MARK1: variants seen among roughly 807,000 people sequenced by gnomAD.
The protein encoded by MARK1 is serine/threonine-protein kinase MARK1.
A neutral mutation model predicts 96.3 loss-of-function variants in MARK1; 40 were observed. The ratio of observed to expected loss-of-function variants is 0.42; its 90% CI spans 0.32 to 0.54. The LOEUF (loss-of-function observed/expected upper bound fraction) is 0.54, where lower values mean the gene tolerates loss of function less well. Ranked by LOEUF, MARK1 falls within the 20% of genes least tolerant of loss-of-function variation. The pLI is 0.16. For synonymous variants in MARK1, 317 were observed against 341.2 expected, an observed-to-expected ratio of 0.93 and a Z score of 0.78; for missense variants, 719 against 984.6, an observed-to-expected ratio of 0.73 and a Z score of 3.61.
At chr1:220,577,565 C>T (rs923121583) in intron 1 of MARK1, among the ~76,000 whole-genome samples, 3 of 152,150 alleles carry the variant, frequency 2.0e-5, no homozygotes, top group Non-Finnish European at 4.4e-5. Context: ...CTGGACCCTA[C>T]CCCCAGAGTT....
chr1:220,599,373 A>G (rs1458366743), intron 4 of MARK1, among the ~76,000 whole-genome samples: 2 of 152,124 alleles, frequency 1.3e-5, no homozygotes, highest in Non-Finnish European at 2.9e-5. Context: ...TTTTCTAACC[A>G]GAAACTTTCA....
At chr1:220,658,483 A>G (rs1053594134) in intron 17 of MARK1, among the ~76,000 whole-genome samples, 5 of 152,200 alleles carry the variant, frequency 3.3e-5, no homozygotes, top group South Asian at 4.1e-4. Context: ...GGAGATGCTT[A>G]TGCTGCTGTT....
At chr1:220,580,986 C>A in intron 2 of MARK1, 79 bp from the exon 3 acceptor site, 2 of 528,962 alleles carry the variant, frequency 3.8e-6, no homozygotes. Flanking sequence ...AGGAATGAAA[C>A]AGAAATTGGA....
chr1:220,615,941 T>C lies in MARK1; in HGVS notation c.498T>C (p.Ile166=). ...TTTTATCCAAATGTTTATTCCAGAT[T>C]GTATCTGCTGTACAGTATTGTCATC... is the stretch of plus-strand genomic sequence containing the variant. ...EKEARAKFRQ[I]VSAVQYCHQK... is the part of the protein sequence containing the mutation. Residue 166 remains isoleucine (I), a splice_region_variant and synonymous_variant, in exon 7 of 18, where the codon ATT becomes ATC. Transcript: ENST00000366917. 6.5e-7 allele frequency: 1 copy of C among 1,528,754 alleles called. No individual in the cohort carries two copies. The highest frequency in any genetic ancestry group is 9.0e-7 in the Non-Finnish European group (1 of 1,116,220). The allele number at this position is 1,528,754 out of a possible 1,614,324, so 94.7% of individuals were successfully genotyped here.
chr1:220,619,335 G>T (rs1401222736), intron 9 of MARK1, among the ~76,000 whole-genome samples: 1 of 152,122 alleles, frequency 6.6e-6, no homozygotes, highest in Non-Finnish European at 1.5e-5. Flanking sequence ...TTAGCTGGAC[G>T]AGGTGGCACA....
At chr1:220,625,982 A>T in intron 9 of MARK1, 1 of 551,786 alleles carries the variant, frequency 1.8e-6, no homozygotes, top group Non-Finnish European at 3.6e-6. Context: ...ATCTCTTCAG[A>T]TACATGTTCG....
At chr1:220,633,681 G>T (rs543686802) in intron 11 of MARK1, among the ~76,000 whole-genome samples, 2 of 152,314 alleles carry the variant, frequency 1.3e-5, no homozygotes, top group African/African-American at 2.4e-5. Context: ...AGGCAGGTCT[G>T]TGTGACATGT....
At chr1:220,656,461 C>T (rs899471981) in intron 16 of MARK1, among the ~76,000 whole-genome samples, 2 of 152,126 alleles carry the variant, frequency 1.3e-5, no homozygotes, top group African/African-American at 4.8e-5. Context: ...CAGAAAAGTC[C>T]AGTGAGATTT....
In MARK1 at chr1:220,581,070, T is replaced by G; in HGVS notation, c.261T>G (p.Ala87=). Residue 87 remains alanine (A), a synonymous_variant, in exon 3 of 18, where the codon GCT becomes GCG. Transcript: ENST00000366917. ...TAATGATTCTTCTTTTTTAGGTTGC[T>G]GTGAAAATAATAGACAAAACTCAGC... ...ARHVLTGREV[A]VKIIDKTQLN... is the part of the protein sequence containing the mutation. 7.8e-7 allele frequency: 1 copy of G among 1,279,862 alleles called. No individual in the cohort carries two copies. Among genetic ancestry groups the G allele is most frequent in the African/African-American group, 1.5e-5 (1 of 66,362 alleles). The allele number at this position is 1,279,862 out of a possible 1,614,324, so 79.3% of individuals were successfully genotyped here. A position where few individuals can be genotyped will look rare whatever the true frequency, so the allele number is the denominator to read the frequency against.
chr1:220,660,891 A>G (rs1214272600), intron 17 of MARK1, among the ~76,000 whole-genome samples: 2 of 152,240 alleles, frequency 1.3e-5, no homozygotes, highest in African/African-American at 2.4e-5. Flanking sequence ...CTAATGGTAG[A>G]TTCAGACAAC....
Position 220,654,998 on chromosome 1 carries a change from T to C in MARK1, c.1988+1646T>C, listed in dbSNP as rs768739183. Among the ~76,000 whole-genome samples, 3 of 152,218 alleles carry C rather than the reference T, an allele frequency of 2.0e-5. No individual in the cohort carries two copies. The highest frequency in any genetic ancestry group is 6.5e-5 in the Admixed American group (1 of 15,282). ...GAGACCTACTACACGCAAGGCCCTT[T>C]TGTAGGAGCTATTGCTACGGCAGTG... On this transcript the variant is annotated intron_variant, in intron 16 of 17. Coordinates refer to ENST00000366917, the MANE Select transcript of MARK1 (RefSeq NM_018650.5). This position sits in a 1 kb window ranked among gnomAD's most constrained non-coding sequence, Gnocchi z 4.0.
intron 9 of MARK1, among the ~76,000 whole-genome samples, chr1:220,624,159 A>C (rs1254908960): frequency 6.6e-6 from 1 of 151,586 alleles, no homozygotes; most frequent in Admixed American, 6.6e-5. Flanking sequence ...TTAGCTGGGC[A>C]TGGTGGCGAG....
At position 220,624,157 on chromosome 1, in the gene MARK1, G is replaced by T. The variant is rs11808016; in HGVS notation, c.909+5402G>T. Among the ~76,000 whole-genome samples the T allele has an allele frequency of 8.6e-3, 1,304 of 151,728 alleles. 16 individuals are homozygous for T. The highest frequency in any genetic ancestry group is 0.029 in the African/African-American group (1,191 of 41,332). On this transcript the variant is annotated intron_variant, in intron 9 of 17. Coordinates refer to ENST00000366917, the MANE Select transcript of MARK1 (RefSeq NM_018650.5). ...TACTAAAAATACAAAAATTAGCTGG[G>T]CATGGTGGCGAGCGCCTGTAATCCC...
At chr1:220,630,932 A>G in intron 9 of MARK1, 103 bp from the exon 10 acceptor site, 3 of 770,246 alleles carry the variant, frequency 3.9e-6, no homozygotes, top group Non-Finnish European at 6.4e-6. Flanking sequence ...TGTCACATGA[A>G]ACTTCTTGAG....
chr1:220,579,168 A>T (rs1371769699), intron 1 of MARK1, among the ~76,000 whole-genome samples, 186 bp from the exon 2 acceptor site: 3 of 152,112 alleles, frequency 2.0e-5, no homozygotes, highest in African/African-American at 7.2e-5. Flanking sequence ...TTAAACAATT[A>T]TACTCTACCT....
In MARK1 at chr1:220,528,138, C is replaced by G. The variant is rs1660030161; in HGVS notation, c.-685C>G. 1 of 150,938 alleles carries G rather than the reference C, an allele frequency of 6.6e-6. No homozygotes were observed. The highest frequency in any genetic ancestry group is 1.5e-5 in the Non-Finnish European group (1 of 67,512). 9.3% of individuals were successfully genotyped at this position (150,938 alleles called of 1,614,324 possible). ...GCCCCCTCGGCTGGCGCCCGCCCAC[C>G]CGGCGGCGGCCGCCAAGTGCCTCTG... On this transcript the variant is annotated 5_prime_UTR_variant, in exon 1 of 18. Coordinates refer to ENST00000366917, the MANE Select transcript of MARK1 (RefSeq NM_018650.5).
intron 3 of MARK1, among the ~76,000 whole-genome samples, chr1:220,586,001 A>ACG (rs1284267502): frequency 0.018 from 615 of 34,714 alleles, 3 homozygotes; most frequent in African/African-American, 0.03. Context: ...ACACACACAC[A>ACG]CACACACACA....
chr1:220,635,152 A>T (rs1340522116), intron 11 of MARK1, among the ~76,000 whole-genome samples: 1 of 152,110 alleles, frequency 6.6e-6, no homozygotes, highest in Non-Finnish European at 1.5e-5. Context: ...GATTTGTACA[A>T]GATAATACAA....
chr1:220,614,611 G>A (rs527701825), intron 6 of MARK1, among the ~76,000 whole-genome samples: 1 of 151,662 alleles, frequency 6.6e-6, no homozygotes, highest in South Asian at 2.1e-4. Flanking sequence ...AAGGTATATA[G>A]AGAATATATA....
Sources: gnomAD v4.1 joint callset for allele counts (sites outside exome capture counted in the v4.1 genomes callset) on GRCh38, gnomAD v4.1.1 for gene constraint, Gnocchi (gnomAD v3.1) non-coding constraint, MANE v1.5 for transcripts, NCBI Gene and HGNC (gene_info 2026-07-23, HGNC 2026-07-21) for gene names.